LTBP2: variants seen among roughly 807,000 people sequenced by gnomAD.
LTBP2 encodes latent-transforming growth factor beta-binding protein 2.
In LTBP2, 103 loss-of-function variants were observed where a neutral mutation model predicts 210.6. That is an observed-to-expected ratio of 0.49 (90% CI 0.42 to 0.58). The LOEUF (loss-of-function observed/expected upper bound fraction) is 0.58. Ranked by LOEUF, LTBP2 falls within the 20% of genes least tolerant of loss-of-function variation. LTBP2 has a pLI of 0.00. For synonymous variants in LTBP2, 1,007 were observed against 1,015.0 expected (o/e 0.99, Z 0.15); for missense variants, 2,313 against 2,494.5 (o/e 0.93, Z 1.55).
chr14:74,539,525 G>A (rs1052100106), intron 8 of LTBP2, among the ~76,000 whole-genome samples: 33 of 152,262 alleles, frequency 2.2e-4, no homozygotes, highest in African/African-American at 7.9e-4. Flanking sequence ...CAGGCAACAT[G>A]GCAAAACCCC....
rs2087488728 is a variant in LTBP2, at chr14:74,540,822, TTTTATATAA to T, written c.1790-4831_1790-4823del. Among the ~76,000 whole-genome samples, 10 of 67,584 alleles carry T rather than the reference TTTTATATAA, an allele frequency of 1.5e-4. 1 individual carries two copies. The highest frequency in any genetic ancestry group is 3.5e-4 in the African/African-American group (7 of 19,752). 44.3% of individuals were successfully genotyped at this position (67,584 alleles called of 152,430 possible). Reference sequence around the variant, plus strand: ...ATATATATATATAATATATATATATTTTTATATAATATATATTTATATATATTATATATA... The same window carrying T: ...ATATATATATATAATATATATATATTTATATATTTATATATATTATATATA... On this transcript the variant is annotated intron_variant, in intron 8 of 35. Coordinates refer to ENST00000261978, the MANE Select transcript of LTBP2 (RefSeq NM_000428.3).
rs1287872567 is a variant in LTBP2, at chr14:74,501,450, C to A, written c.5311G>T (p.Ala1771Ser). The change falls in exon 35 of 36, where the codon GCC becomes TCC. Residue 1771 changes from alanine to serine, a missense_variant. Coordinates refer to ENST00000261978, the MANE Select transcript of LTBP2 (RefSeq NM_000428.3). ...EGFQLDAAHM[A>S]CVDVNECDDL... Reference sequence around the variant, plus strand: ...AGAATTCTGCACTTACCTACGCAGGCCATGTGGGCCGCATCCAGCTGGAAG... The same window carrying A: ...AGAATTCTGCACTTACCTACGCAGGACATGTGGGCCGCATCCAGCTGGAAG... The A allele has an allele frequency of 2.5e-6, 4 of 1,614,166 alleles. No individual in the cohort carries two copies. Among genetic ancestry groups the A allele is most frequent in the Admixed American group, 1.7e-5 (1 of 60,032 alleles).
At chr14:74,538,741 T>C (rs1445267694) in intron 8 of LTBP2, among the ~76,000 whole-genome samples, 1 of 152,184 alleles carries the variant, frequency 6.6e-6, no homozygotes, top group Non-Finnish European at 1.5e-5. Context: ...GATTAAAAAA[T>C]GTAAACTGAA....
At chr14:74,544,216 G>T (rs2087550013) in intron 8 of LTBP2, among the ~76,000 whole-genome samples, 1 of 152,192 alleles carries the variant, frequency 6.6e-6, no homozygotes, top group Non-Finnish European at 1.5e-5. Flanking sequence ...CAGAATCCCA[G>T]AGAACAGGAG....
chr14:74,541,111 T>A (rs1044274314), intron 8 of LTBP2, among the ~76,000 whole-genome samples: 1 of 151,018 alleles, frequency 6.6e-6, no homozygotes, highest in African/African-American at 2.4e-5. Context: ...GGTGTCCCTC[T>A]TGCATGCTCC....
chr14:74,541,598 C>A (rs1180460044), intron 8 of LTBP2, among the ~76,000 whole-genome samples: 1 of 152,072 alleles, frequency 6.6e-6, no homozygotes, highest in African/African-American at 2.4e-5. Flanking sequence ...AATTCTGAAC[C>A]ATTCTCCCCA....
intron 8 of LTBP2, among the ~76,000 whole-genome samples, chr14:74,546,863 A>G (rs2087583277): frequency 6.6e-6 from 1 of 152,246 alleles, no homozygotes; most frequent in South Asian, 2.1e-4. Flanking sequence ...CAAGTGGGCG[A>G]GCAGGTAGCT....
At chr14:74,558,810 A>G (rs1270986163) in intron 3 of LTBP2, among the ~76,000 whole-genome samples, 1 of 152,138 alleles carries the variant, frequency 6.6e-6, no homozygotes, top group African/African-American at 2.4e-5. Context: ...AACCAAATAA[A>G]CAAACCATGT....
chr14:74,585,443 G>A (rs1184506692), intron 3 of LTBP2, among the ~76,000 whole-genome samples: 1 of 152,186 alleles, frequency 6.6e-6, no homozygotes, highest in African/African-American at 2.4e-5. Context: ...ACAATTCATA[G>A]CACAGGTATT....
Position 74,528,621 on chromosome 14 carries a change from C to T in LTBP2, c.2230G>A (p.Ala744Thr). 6.2e-7 allele frequency: 1 copy of T among 1,613,624 alleles called. No homozygotes were observed. Among genetic ancestry groups the T allele is most frequent in the Admixed American group, 1.7e-5 (1 of 60,034 alleles). ...GGCCTTGCCAGTTCCTCCTCCTCGG[C>T]TTTCCTCATGGACAGGCGGATGTCG... ...SSDIRLSMRK[A>T]EEEELARPPR... is the part of the protein sequence containing the mutation. Residue 744 changes from alanine to threonine, a missense_variant, in exon 12 of 36, where the codon GCC (alanine) becomes ACC (threonine). Ala to Thr is a moderately conservative substitution (Grantham distance 58). Coordinates refer to ENST00000261978, the MANE Select transcript of LTBP2 (RefSeq NM_000428.3).
At chr14:74,511,125 G>T in intron 19 of LTBP2, 120 bp downstream of exon 19, 3 of 1,502,604 alleles carry the variant, frequency 2.0e-6, no homozygotes, top group South Asian at 2.3e-5. Flanking sequence ...GCTAGATCAT[G>T]GAGGACAACA....
At chr14:74,504,092 G>A (rs749195031) in intron 30 of LTBP2, 38 bp from the exon 31 acceptor site, 2 of 1,610,186 alleles carry the variant, frequency 1.2e-6, no homozygotes, top group Middle Eastern at 1.7e-4. Flanking sequence ...GAAGGTGAGA[G>A]GCAGTATGAG....
In LTBP2 at chr14:74,540,843, A is replaced by T. The variant is rs1411355508; in HGVS notation, c.1790-4843T>A. Among the ~76,000 whole-genome samples, 46 of 30,864 alleles carry T rather than the reference A, an allele frequency of 1.5e-3. 1 individual carries two copies. The highest frequency in any genetic ancestry group is 2.9e-3 in the African/African-American group (44 of 15,178). 20.2% of individuals were successfully genotyped at this position (30,864 alleles called of 152,430 possible). A position where few individuals can be genotyped will look rare whatever the true frequency, so the allele number is the denominator to read the frequency against. On this transcript the variant is annotated intron_variant, in intron 8 of 35. Coordinates refer to ENST00000261978, the MANE Select transcript of LTBP2 (RefSeq NM_000428.3). Reference sequence around the variant, plus strand: ...ATATTTTTATATAATATATATTTATATATATTATATATATTATATATATTT... The same window carrying T: ...ATATTTTTATATAATATATATTTATTTATATTATATATATTATATATATTT...
intron 2 of LTBP2, among the ~76,000 whole-genome samples, chr14:74,594,534 G>C (rs969471094): frequency 2.6e-5 from 4 of 152,170 alleles, no homozygotes; most frequent in Non-Finnish European, 4.4e-5. Context: ...CTCAGGCCGG[G>C]GCCCTGTCCC....
At chr14:74,544,677 G>A (rs976859625) in intron 8 of LTBP2, among the ~76,000 whole-genome samples, 2 of 152,108 alleles carry the variant, frequency 1.3e-5, no homozygotes, top group African/African-American at 4.8e-5. Flanking sequence ...CCTTCTTTCT[G>A]TTGGAAGGTT....
At chr14:74,604,561 T>C (rs2088497466) in intron 1 of LTBP2, among the ~76,000 whole-genome samples, 1 of 152,090 alleles carries the variant, frequency 6.6e-6, no homozygotes, top group African/African-American at 2.4e-5. Context: ...CTCCTTTTTT[T>C]TTTTTTTTGA....
At chr14:74,598,118 T>C (rs895307896) in intron 2 of LTBP2, among the ~76,000 whole-genome samples, 2 of 152,238 alleles carry the variant, frequency 1.3e-5, no homozygotes, top group Non-Finnish European at 1.5e-5. Flanking sequence ...TAGTAAGTGA[T>C]GGAGCAAGGG....
At chr14:74,540,928 A>T (rs189531959) in intron 8 of LTBP2, among the ~76,000 whole-genome samples, 2,315 of 18,706 alleles carry the variant, frequency 0.12, 35 homozygotes, top group Non-Finnish European at 0.39. Flanking sequence ...TATATAGGTT[A>T]TATATATATA....
rs531876761 is a variant in LTBP2, at chr14:74,548,384, T to C, written c.1789+1479A>G. 2.0e-5 allele frequency among the ~76,000 whole-genome samples: 3 copies of C among 152,190 alleles called. No individual in the cohort carries two copies. In the South Asian group the frequency reaches 6.2e-4, roughly 32 times the overall value. On this transcript the variant is annotated intron_variant, in intron 8 of 35. Transcript: ENST00000261978. ...CTGATGCCTACCAGCCATCTATGAC[T>C]ACCCACTAAATTGTAAGCTTGGAGA...
Sources: allele counts gnomAD v4.1 joint callset (sites outside exome capture counted in the v4.1 genomes callset), GRCh38; gene constraint gnomAD v4.1.1; transcripts MANE v1.5; gene names NCBI Gene and HGNC (gene_info 2026-07-23, HGNC 2026-07-21).